The following CPNE4 variants were observed in gnomAD, a reference collection of about 807,000 sequenced individuals.
CPNE4 encodes the protein copine 4, also known as copine-4.
In CPNE4, 25 loss-of-function variants were observed where a neutral mutation model predicts 67.9. That is an observed-to-expected ratio of 0.37 (90% confidence interval 0.27 to 0.51). The LOEUF (loss-of-function observed/expected upper bound fraction) is 0.51, where lower values mean the gene tolerates loss of function less well. Ranked by LOEUF, CPNE4 falls within the 20% of genes least tolerant of loss-of-function variation. CPNE4 has a pLI of 0.93. For missense variants in CPNE4, 464 were observed against 690.8 expected (o/e 0.67, Z 3.68); for synonymous variants, 242 against 244.9 (o/e 0.99, Z 0.11).
chr3:131,562,884 T>C (rs535684788), intron 11 of CPNE4, among the ~76,000 whole-genome samples: 1 of 152,174 alleles, frequency 6.6e-6, no homozygotes, highest in Non-Finnish European at 1.5e-5. Flanking sequence ...TTAAAATAAC[T>C]ATTGACTTTT....
At chr3:131,882,779 C>T (rs549097575) in intron 2 of CPNE4, among the ~76,000 whole-genome samples, 224 of 144,484 alleles carry the variant, frequency 1.6e-3, no homozygotes, top group African/African-American at 3.1e-3. Flanking sequence ...TGCAGTGGCA[C>T]GATCTCAGCT....
intron 6 of CPNE4, among the ~76,000 whole-genome samples, chr3:131,675,189 C>CA (rs1340060290): frequency 6.6e-6 from 1 of 152,012 alleles, no homozygotes; most frequent in African/African-American, 2.4e-5. Flanking sequence ...GATATTATTT[C>CA]AGTTTTTCTG....
chr3:131,589,485 T>C (rs1265543996), intron 7 of CPNE4, among the ~76,000 whole-genome samples: 2 of 152,200 alleles, frequency 1.3e-5, no homozygotes, highest in Admixed American at 1.3e-4. Context: ...TGCCCACCCA[T>C]GTTGAGGGTG....
At chr3:131,708,699 G>C (rs367966689) in intron 3 of CPNE4, among the ~76,000 whole-genome samples, 1 of 151,906 alleles carries the variant, frequency 6.6e-6, no homozygotes, top group Non-Finnish European at 1.5e-5. Flanking sequence ...AAGGCTCTGT[G>C]GGGGGACATT....
At chr3:131,549,710 A>T (rs1180112325) in intron 14 of CPNE4, among the ~76,000 whole-genome samples, 3 of 152,160 alleles carry the variant, frequency 2.0e-5, no homozygotes, top group Admixed American at 6.5e-5. Context: ...GTGTTCAGAC[A>T]ATGTGGTAGA....
chr3:131,856,518 TATAATGA>T (rs1404157019), intron 2 of CPNE4, among the ~76,000 whole-genome samples: 6 of 152,024 alleles, frequency 3.9e-5, no homozygotes, highest in African/African-American at 7.2e-5. Context: ...TTGTACAGAA[TATAATGA>T]ATATTTGCTG....
intron 1 of CPNE4, among the ~76,000 whole-genome samples, chr3:131,952,477 G>T (rs1030952347): frequency 2.0e-5 from 2 of 98,408 alleles, no homozygotes; most frequent in African/African-American, 5.6e-5. Context: ...GAGGTGGGGG[G>T]GTCAGCGCCC....
At chr3:131,686,256 A>G (rs896727626) in intron 5 of CPNE4, among the ~76,000 whole-genome samples, 1 of 152,168 alleles carries the variant, frequency 6.6e-6, no homozygotes, top group Non-Finnish European at 1.5e-5. Flanking sequence ...GGTTAGTTGA[A>G]ATTCAAAGTA....
intron 1 of CPNE4, among the ~76,000 whole-genome samples, chr3:132,005,314 C>CATATATATAT (rs767282824): frequency 4.0e-4 from 33 of 81,660 alleles, no homozygotes; most frequent in African/African-American, 1.2e-3. Flanking sequence ...GCCATTTTTA[C>CATATATATAT]ATATATATAT....
intron 7 of CPNE4, among the ~76,000 whole-genome samples, chr3:131,603,351 T>C (rs998221124): frequency 6.6e-6 from 1 of 152,134 alleles, no homozygotes; most frequent in African/African-American, 2.4e-5. Context: ...TAATTATACT[T>C]GGAAAAAATG....
chr3:131,741,946 G>T (rs2082367561), intron 2 of CPNE4, among the ~76,000 whole-genome samples: 1 of 152,124 alleles, frequency 6.6e-6, no homozygotes, highest in African/African-American at 2.4e-5. Context: ...GAACATCTTT[G>T]CCCTCTATCC....
chr3:131,574,219 A>C (rs1937480453), intron 10 of CPNE4, among the ~76,000 whole-genome samples: 1 of 152,152 alleles, frequency 6.6e-6, no homozygotes, highest in Non-Finnish European at 1.5e-5. Context: ...ATGAGAAATA[A>C]ATGCTGTACA....
intron 2 of CPNE4, among the ~76,000 whole-genome samples, chr3:131,902,754 G>T (rs1259455863): frequency 6.6e-6 from 1 of 152,018 alleles, no homozygotes; most frequent in Admixed American, 6.6e-5. Flanking sequence ...AGAAGTAGAT[G>T]GATTTCTTGC....
intron 2 of CPNE4, among the ~76,000 whole-genome samples, chr3:131,804,408 C>T (rs1325036029): frequency 3.3e-5 from 5 of 152,012 alleles, no homozygotes; most frequent in South Asian, 2.1e-4. Flanking sequence ...TATATCTTCC[C>T]GAGGTATGAC....
intron 2 of CPNE4, among the ~76,000 whole-genome samples, chr3:131,873,809 C>G (rs1283919141): frequency 2.0e-5 from 3 of 152,136 alleles, no homozygotes; most frequent in Admixed American, 6.5e-5. Context: ...GTAGTACATC[C>G]TGTGTACCTT....
chr3:131,738,419 C>A (rs1007229081), intron 2 of CPNE4, among the ~76,000 whole-genome samples: 23 of 152,072 alleles, frequency 1.5e-4, no homozygotes, highest in African/African-American at 5.3e-4. Context: ...AGTGGGCGAC[C>A]AAAGGAAGCA....
chr3:131,804,527 C>T (rs747263681), intron 2 of CPNE4, among the ~76,000 whole-genome samples: 14 of 152,090 alleles, frequency 9.2e-5, no homozygotes, highest in Non-Finnish European at 1.5e-4. Flanking sequence ...AAAACAAGGG[C>T]TAAATGATCA....
intron 7 of CPNE4, among the ~76,000 whole-genome samples, chr3:131,636,712 C>T (rs1234177337): frequency 6.6e-6 from 1 of 152,218 alleles, no homozygotes; most frequent in Non-Finnish European, 1.5e-5. Flanking sequence ...AGCGCAACCT[C>T]CTGGCTGGAG....
chr3:131,947,696 T>C (rs1026888503), intron 1 of CPNE4, among the ~76,000 whole-genome samples: 3 of 152,220 alleles, frequency 2.0e-5, no homozygotes, highest in African/African-American at 4.8e-5. Context: ...GCAATAAACA[T>C]ACGTGTGCAT....
Sources: gnomAD v4.1 joint callset for allele counts (sites outside exome capture counted in the v4.1 genomes callset) on GRCh38, gnomAD v4.1.1 for gene constraint, MANE v1.5 for transcripts, NCBI Gene and HGNC (gene_info 2026-07-23, HGNC 2026-07-21) for gene names.